Variants in LRRC66 observed in about 807,000 individuals in gnomAD.
The protein encoded by LRRC66 is leucine-rich repeat-containing protein 66.
LRRC66 carries 29 observed loss-of-function variants against 24.6 expected under a neutral mutation model. That is an observed-to-expected ratio of 1.18 (90% confidence interval 0.88 to 1.61). LRRC66 has a LOEUF of 1.61. Ranked by LOEUF, LRRC66 falls within the 40% of genes most tolerant of loss-of-function variation. LRRC66 has a pLI of 0.00. For missense variants in LRRC66, 1,124 were observed against 1,058.0 expected, an observed-to-expected ratio of 1.06 and a Z score of -0.87; for synonymous variants, 411 against 397.6, an observed-to-expected ratio of 1.03 and a Z score of -0.40.
chr4:52,004,542 C>T (rs1176594078), intron 2 of LRRC66, among the ~76,000 whole-genome samples: 1 of 152,122 alleles, frequency 6.6e-6, no homozygotes, highest in East Asian at 1.9e-4. Flanking sequence ...GAAGGAGGTG[C>T]CAGTCATAGC....
At chr4:52,009,523 T>C (rs1736652965) in intron 2 of LRRC66, among the ~76,000 whole-genome samples, 1 of 152,040 alleles carries the variant, frequency 6.6e-6, no homozygotes, top group Non-Finnish European at 1.5e-5. Context: ...AAAGAGAAGA[T>C]ATAAATTATC....
chr4:52,000,888 CAT>C (rs1205003843), intron 3 of LRRC66, among the ~76,000 whole-genome samples: 1 of 152,230 alleles, frequency 6.6e-6, no homozygotes, highest in East Asian at 1.9e-4. Context: ...ATTTCCGTCT[CAT>C]AGAAATTGTG....
rs750982140 is a variant in LRRC66 at position 51,995,169 on chromosome 4, A to C, written c.1853T>G (p.Met618Arg). The change falls in exon 5 of 5, where the codon ATG becomes AGG. Residue 618 changes from methionine (M) to arginine (R), a missense_variant. Transcript: ENST00000682860. ...CACTTGCCTTTCCTTAGAAAATTCC[A>C]TCTGCGAGTCCCAAAGTGACTGTTC... ...GTEQSLWDSQ[M>R]EFSKERQVSS... The C allele has an allele frequency of 9.9e-6, 16 of 1,614,070 alleles. No individual in the cohort carries two copies. In the South Asian group the frequency reaches 1.8e-4, roughly 18 times the overall value.
intron 2 of LRRC66, among the ~76,000 whole-genome samples, chr4:52,007,701 C>T (rs149739463): frequency 2.8e-4 from 42 of 152,328 alleles, no homozygotes; most frequent in African/African-American, 1.0e-3. Flanking sequence ...CTTCCCCATC[C>T]CACTGAGTTG....
In LRRC66 at chr4:52,017,439, A is replaced by G. The variant is rs754570789; in HGVS notation, c.175T>C (p.Ser59Pro). Residue 59 changes from serine (S) to proline (P), a missense_variant, in exon 2 of 5, where the codon TCA becomes CCA. Coordinates refer to ENST00000682860, the MANE Select transcript of LRRC66 (RefSeq NM_001024611.3). Reference protein sequence around the residue: ...TGKCDIPVDISQTAATVDVSF... With the variant: ...TGKCDIPVDIPQTAATVDVSF... ...ACATCCACAGTGGCTGCTGTCTGTGATATGTCCACAGGTATATCACACTTT... is the reference window on the plus strand; with the variant it reads ...ACATCCACAGTGGCTGCTGTCTGTGGTATGTCCACAGGTATATCACACTTT... 3 of 1,614,120 alleles carry G rather than the reference A, an allele frequency of 1.9e-6. No homozygotes were observed. Among genetic ancestry groups the G allele is most frequent in the Non-Finnish European group, 2.5e-6 (3 of 1,179,988 alleles).
At chr4:52,016,450 G>GT in intron 2 of LRRC66, among the ~76,000 whole-genome samples, 1 of 152,262 alleles carries the variant, frequency 6.6e-6, no homozygotes, top group South Asian at 2.1e-4. Context: ...GGCAAAGGAA[G>GT]TTTTGCTTTA....
intron 3 of LRRC66, among the ~76,000 whole-genome samples, chr4:52,000,817 C>T (rs1313082730): frequency 6.6e-6 from 1 of 152,206 alleles, no homozygotes; most frequent in Non-Finnish European, 1.5e-5. Flanking sequence ...CCTTTGCCAA[C>T]ACTTTGATTG....
Position 52,017,216 on chromosome 4 carries a change from G to C in LRRC66, c.398C>G (p.Ser133Cys). 6.2e-7 allele frequency: 1 copy of C among 1,614,076 alleles called. No individual in the cohort carries two copies. The highest frequency in any genetic ancestry group is 8.5e-7 in the Non-Finnish European group (1 of 1,179,948). The change falls in exon 2 of 5, where the codon TCC (serine) becomes TGC (cysteine). Residue 133 changes from serine to cysteine, a missense_variant. By Grantham distance (112) the Ser-to-Cys change is moderately radical (BLOSUM62 -1). Coordinates refer to ENST00000682860, the MANE Select transcript of LRRC66 (RefSeq NM_001024611.3). ...GCTTCTGTGGCGTTTCACCCATGAG[G>C]ACTTAGGACTGAGTAGATCCAATGA... ...SLSLDLLSPKSSWVKRHRSSF... is the reference protein window; with the variant it reads ...SLSLDLLSPKCSWVKRHRSSF...
rs532972831 is a variant in LRRC66 at position 51,997,826 on chromosome 4, C to T, written c.778G>A (p.Asp260Asn). ...AAATTTTGAAAGACTGCCACACTAT[C>T]ATCACACTGCCAGTTATTATCAGCC... Reference protein sequence around the residue: ...DLADNNWQCDDSVAVFQNFIS... With the variant: ...DLADNNWQCDNSVAVFQNFIS... The change falls in exon 4 of 5, where the codon GAT becomes AAT. Residue 260 changes from aspartate to asparagine, a missense_variant. By Grantham distance (23) the Asp-to-Asn change is conservative. Transcript: ENST00000682860. The T allele has an allele frequency of 6.2e-7, 1 of 1,614,090 alleles. No homozygotes were observed. Among genetic ancestry groups the T allele is most frequent in the South Asian group, 1.1e-5 (1 of 91,074 alleles).
rs780378961 is a variant in LRRC66 at position 51,995,099 on chromosome 4, G to C, written c.1923C>G (p.Ser641=). The C allele has an allele frequency of 5.0e-6, 8 of 1,614,068 alleles. No individual in the cohort carries two copies. Among genetic ancestry groups the C allele is most frequent in the Non-Finnish European group, 6.8e-6 (8 of 1,180,044 alleles). The stretch of plus-strand genomic sequence containing the variant: ...AAAGCGCTTCCTCAGCCCTTGCCCC[G>C]GACAGCCTTGGCTGCTGTATGCTCA... ...DLLSIQQPRL[S]GARAEEALSA... The change falls in exon 5 of 5, where the codon TCC becomes TCG. Residue 641 remains serine (S), a synonymous_variant. Transcript: ENST00000682860.
At chr4:52,015,290 C>A (rs1201018779) in intron 2 of LRRC66, among the ~76,000 whole-genome samples, 2 of 151,832 alleles carry the variant, frequency 1.3e-5, no homozygotes, top group South Asian at 4.2e-4. Context: ...AAAACCCTAA[C>A]CCTTTAGAAG....
At chr4:52,013,798 T>C (rs1736751093) in intron 2 of LRRC66, among the ~76,000 whole-genome samples, 1 of 152,234 alleles carries the variant, frequency 6.6e-6, no homozygotes, top group Non-Finnish European at 1.5e-5. Context: ...TTTTAAAATA[T>C]GTGGTACATA....
At chr4:52,010,110 G>C (rs1006593279) in intron 2 of LRRC66, among the ~76,000 whole-genome samples, 2 of 152,068 alleles carry the variant, frequency 1.3e-5, no homozygotes, top group African/African-American at 4.8e-5. Flanking sequence ...ATCCAGAAAA[G>C]GTCTTGGGCA....
At position 51,997,630 on chromosome 4, in the gene LRRC66, T is replaced by C. The variant is rs376834577; in HGVS notation, c.856+118A>G. 1.3e-5 allele frequency: 11 copies of C among 859,198 alleles called. No homozygotes were observed. In the African/African-American group the frequency reaches 1.9e-4, roughly 14 times the overall value. The allele number at this position is 859,198 out of a possible 1,614,324, so 53.2% of individuals were successfully genotyped here. A position where few individuals can be genotyped will look rare whatever the true frequency, so the allele number is the denominator to read the frequency against. ...TATGACACAGCCCAAGACTGACTAA[T>C]GCCAAGGATCAGCACTTTTGCTTTC... On this transcript the variant is annotated intron_variant, in intron 4 of 4. Coordinates refer to ENST00000682860, the MANE Select transcript of LRRC66 (RefSeq NM_001024611.3).
chr4:51,995,437 G>A lies in LRRC66; in HGVS notation c.1585C>T (p.His529Tyr), dbSNP rs753782354. 1.9e-6 allele frequency: 3 copies of A among 1,614,052 alleles called. No individual in the cohort carries two copies. In the African/African-American group the frequency reaches 4.0e-5, roughly 22 times the overall value. ...ELMSAAQDHI[H>Y]RNDILGEWTY... ...CATTCTCCGAGAATATCATTCCTAT[G>A]GATGTGGTCCTGCGCTGCTGACATT... The change falls in exon 5 of 5, where the codon CAT (histidine) becomes TAT (tyrosine). Residue 529 changes from histidine to tyrosine, a missense_variant. Physicochemically the swap from His to Tyr is moderately conservative, Grantham distance 83. Coordinates refer to ENST00000682860, the MANE Select transcript of LRRC66 (RefSeq NM_001024611.3).
At chr4:52,005,360 C>T (rs912592771) in intron 2 of LRRC66, among the ~76,000 whole-genome samples, 8 of 152,036 alleles carry the variant, frequency 5.3e-5, no homozygotes, top group Non-Finnish European at 1.2e-4. Flanking sequence ...ACAGGCTGGG[C>T]GCAGTAGCCG....
intron 1 of LRRC66, chr4:52,018,474 C>A (rs1736867901): frequency 1.0e-6 from 1 of 985,214 alleles, no homozygotes; most frequent in Admixed American, 6.2e-5. Context: ...TATGAGTTTC[C>A]AAGAAATTGT....
intron 2 of LRRC66, among the ~76,000 whole-genome samples, chr4:52,014,320 GTTATTCTCAA>G (rs879697565): frequency 2.6e-5 from 4 of 152,184 alleles, no homozygotes; most frequent in Non-Finnish European, 5.9e-5. Context: ...TAAATATACT[GTTATTCTCAA>G]TTTATGCCAA....
intron 2 of LRRC66, among the ~76,000 whole-genome samples, chr4:52,015,191 A>G (rs906476908): frequency 6.6e-6 from 1 of 152,190 alleles, no homozygotes; most frequent in African/African-American, 2.4e-5. Context: ...TTCACACAGA[A>G]AGTAGGCTCC....
Sources: gnomAD v4.1 joint callset for allele counts (sites outside exome capture counted in the v4.1 genomes callset) on GRCh38, gnomAD v4.1.1 for gene constraint, MANE v1.5 for transcripts, NCBI Gene and HGNC (gene_info 2026-07-23, HGNC 2026-07-21) for gene names.